The following EPB41 variants were observed in gnomAD, a reference collection of about 807,000 sequenced individuals.
EPB41 encodes the protein protein 4.1.
Under a neutral mutation model 108.0 loss-of-function variants are expected in EPB41, and 65 were observed. The ratio of observed to expected loss-of-function variants is 0.60; its 90% CI spans 0.49 to 0.74. EPB41 has a LOEUF of 0.74. Ranked by LOEUF, EPB41 falls within the 30% of genes least tolerant of loss-of-function variation. The pLI, the probability that EPB41 is intolerant of heterozygous loss-of-function variation, is 0.00. For missense variants in EPB41, 875 were observed against 1,037.0 expected (o/e 0.84, Z 2.15); for synonymous variants, 336 against 358.9 (o/e 0.94, Z 0.72).
chr1:29,035,695 C>T (rs1639179658), intron 9 of EPB41, 131 bp from the exon 10 acceptor site: 4 of 695,548 alleles, frequency 5.8e-6, no homozygotes, highest in South Asian at 3.9e-5. Flanking sequence ...TTCCAAATGA[C>T]ATTTTATGTC....
intron 16 of EPB41, among the ~76,000 whole-genome samples, chr1:29,086,104 A>G (rs544200071): frequency 3.1e-4 from 47 of 152,224 alleles, no homozygotes; most frequent in African/African-American, 1.1e-3. Context: ...TCATTTCACT[A>G]CTGAAACCAG....
intron 1 of EPB41, among the ~76,000 whole-genome samples, chr1:28,973,786 A>G (rs2095544224): frequency 6.6e-6 from 1 of 152,202 alleles, no homozygotes; most frequent in South Asian, 2.1e-4. Flanking sequence ...ACGTACTAGA[A>G]GAATCCTCTC....
chr1:29,098,172 A>C (rs545304395), intron 17 of EPB41, among the ~76,000 whole-genome samples: 3 of 151,882 alleles, frequency 2.0e-5, no homozygotes, highest in Non-Finnish European at 4.4e-5. Flanking sequence ...ATGTGGGAGG[A>C]TCTCTTGAGC....
chr1:29,043,660 T>C (rs748219888), intron 11 of EPB41, among the ~76,000 whole-genome samples: 1 of 152,212 alleles, frequency 6.6e-6, no homozygotes, highest in Non-Finnish European at 1.5e-5. Context: ...CCAGATTGTA[T>C]AGGGCCTTGT....
At chr1:29,109,308 T>C in intron 17 of EPB41, 28 bp from the exon 18 acceptor site, 1 of 1,575,068 alleles carries the variant, frequency 6.3e-7, no homozygotes, top group Non-Finnish European at 8.7e-7. Context: ...CTGAGAGGCA[T>C]GATGATGAGC....
chr1:29,013,024 G>A (rs115452972), intron 5 of EPB41, among the ~76,000 whole-genome samples: 3,792 of 152,020 alleles, frequency 0.025, 152 homozygotes, highest in African/African-American at 0.087. Context: ...CAGAGTTTAT[G>A]ATGAGTAAAA....
At chr1:29,095,244 T>A (rs1170179233) in intron 16 of EPB41, among the ~76,000 whole-genome samples, 3 of 152,092 alleles carry the variant, frequency 2.0e-5, no homozygotes, top group African/African-American at 7.2e-5. Context: ...AGGTTGGAGG[T>A]GTTGTGTCAT....
intron 11 of EPB41, among the ~76,000 whole-genome samples, chr1:29,039,845 A>G (rs1487771303): frequency 6.6e-6 from 1 of 152,110 alleles, no homozygotes; most frequent in African/African-American, 2.4e-5. Flanking sequence ...GTAAAATGAA[A>G]GGGATCTTAC....
chr1:29,011,321 T>G (rs4110943), intron 4 of EPB41, among the ~76,000 whole-genome samples: 2,846 of 150,038 alleles, frequency 0.019, 49 homozygotes, highest in Middle Eastern at 0.095. Context: ...GCTGAGATTG[T>G]GCCAGTGCAC....
chr1:28,906,099 G>A (rs2091807360), intron 1 of EPB41, among the ~76,000 whole-genome samples: 2 of 152,110 alleles, frequency 1.3e-5, no homozygotes, highest in African/African-American at 4.8e-5. Flanking sequence ...GATTATAGGC[G>A]TGAGCCACTG....
chr1:29,032,946 A>G (rs2096808619), intron 8 of EPB41, 147 bp from the exon 9 acceptor site: 1 of 811,876 alleles, frequency 1.2e-6, no homozygotes, highest in Non-Finnish European at 2.0e-6. Flanking sequence ...TAATAGGTCC[A>G]TAAATTATAA....
intron 5 of EPB41, among the ~76,000 whole-genome samples, chr1:29,013,662 G>A (rs1027085992): frequency 2.6e-5 from 4 of 151,888 alleles, no homozygotes; most frequent in Non-Finnish European, 4.4e-5. Flanking sequence ...AAGTAGCTGG[G>A]ATTACAGGCA....
chr1:28,934,079 G>C (rs1330340720), intron 1 of EPB41, among the ~76,000 whole-genome samples: 2 of 151,908 alleles, frequency 1.3e-5, no homozygotes, highest in Non-Finnish European at 2.9e-5. Flanking sequence ...CAGTTTTCTT[G>C]GTTGTGATTG....
At chr1:29,000,803 C>T (rs950004009) in intron 4 of EPB41, among the ~76,000 whole-genome samples, 2 of 151,748 alleles carry the variant, frequency 1.3e-5, no homozygotes, top group African/African-American at 2.4e-5. Flanking sequence ...AAACCTCCAG[C>T]TCAGAAGTAA....
In EPB41 at chr1:29,060,477, T is replaced by C. The variant is rs777797434; in HGVS notation, c.2000T>C (p.Met667Thr). 2 of 1,612,888 alleles carry C rather than the reference T, an allele frequency of 1.2e-6. No homozygotes were observed. Among genetic ancestry groups the C allele is most frequent in the Non-Finnish European group, 1.7e-6 (2 of 1,178,946 alleles). The change falls in exon 15 of 21, where the codon ATG (methionine) becomes ACG (threonine). Residue 667 changes from methionine to threonine, a missense_variant. Coordinates refer to ENST00000343067, the MANE Select transcript of EPB41 (RefSeq NM_001376013.1). The part of the protein sequence containing the change: ...ENIYIRHSNL[M>T]LEDLDKSQEE... ...ATTTATATCAGACATAGCAATTTAATGTTGGAGGTTTGTATGAACTTGAAG... is the reference window on the plus strand; with the variant it reads ...ATTTATATCAGACATAGCAATTTAACGTTGGAGGTTTGTATGAACTTGAAG...
At chr1:28,944,606 G>C (rs947447823) in intron 1 of EPB41, among the ~76,000 whole-genome samples, 6 of 130,158 alleles carry the variant, frequency 4.6e-5, no homozygotes, top group African/African-American at 1.4e-4. Flanking sequence ...GTGCCATCTT[G>C]GCTCACTTCA....
rs922664452 is a variant in EPB41 at position 29,061,612 on chromosome 1, C to G, written c.2007+1128C>G. Among the ~76,000 whole-genome samples the G allele has an allele frequency of 2.6e-4, 28 of 109,436 alleles. No homozygotes were observed. In the Admixed American group the frequency reaches 2.9e-3, roughly 11 times the overall value. The allele number at this position is 109,436 out of a possible 152,430, so 71.8% of individuals were successfully genotyped here. A position where few individuals can be genotyped will look rare whatever the true frequency, so the allele number is the denominator to read the frequency against. ...TTTTTTTTTTTTGAGGCGGGTCTCA[C>G]AGTGTTACCCAGGCTGGAGTGCAGT... is the stretch of plus-strand genomic sequence containing the variant. On this transcript the variant is annotated intron_variant, in intron 15 of 20. Transcript: ENST00000343067.
rs57558766 is a variant in EPB41, at chr1:28,963,344, C to CGTGTGTGT, written c.-7-24056_-7-24049dup. ...AAGCTACATTCAGTAAAATCAGAAT[C>CGTGTGTGT]GTGTGTGTGTGTGTGTGTGTGTGTG... On this transcript the variant is annotated intron_variant, in intron 1 of 20. Transcript: ENST00000343067. Among the ~76,000 whole-genome samples the CGTGTGTGT allele has an allele frequency of 9.0e-3, 1,310 of 146,298 alleles. 11 individuals are homozygous for CGTGTGTGT. Among genetic ancestry groups the CGTGTGTGT allele is most frequent in the African/African-American group, 0.024 (965 of 39,552 alleles).
intron 1 of EPB41, among the ~76,000 whole-genome samples, chr1:28,890,453 C>T (rs2089997954): frequency 6.6e-6 from 1 of 152,112 alleles, no homozygotes; most frequent in Non-Finnish European, 1.5e-5. Flanking sequence ...GGAGATAAGT[C>T]TAAAGTCTCT....
Sources: gnomAD v4.1 joint callset for allele counts (sites outside exome capture counted in the v4.1 genomes callset) on GRCh38, gnomAD v4.1.1 for gene constraint, MANE v1.5 for transcripts, NCBI Gene and HGNC (gene_info 2026-07-23, HGNC 2026-07-21) for gene names.